Variants in SMG7 observed in about 807,000 individuals in gnomAD.
SMG7 encodes SMG7 nonsense mediated mRNA decay factor.
In SMG7, 34 loss-of-function variants were observed where a neutral mutation model predicts 148.2. The observed-to-expected ratio is 0.23, with a 90% CI of 0.17 to 0.31. SMG7 has a LOEUF of 0.31. Ranked by LOEUF, SMG7 falls within the 10% of genes least tolerant of loss-of-function variation. The pLI is 1.00. For synonymous variants in SMG7, 492 were observed against 515.1 expected, an observed-to-expected ratio of 0.96 and a Z score of 0.61; for missense variants, 1,114 against 1,408.4, an observed-to-expected ratio of 0.79 and a Z score of 3.35.
intron 1 of SMG7, among the ~76,000 whole-genome samples, chr1:183,490,243 A>G (rs1240830994): frequency 1.3e-5 from 2 of 152,214 alleles, no homozygotes; most frequent in African/African-American, 2.4e-5. Flanking sequence ...GCCAGTAGCT[A>G]TATATATTGT....
intron 2 of SMG7, among the ~76,000 whole-genome samples, chr1:183,515,250 TG>T (rs1663210088): frequency 6.6e-6 from 1 of 151,318 alleles, no homozygotes. Context: ...ATGACTAATG[TG>T]GATTGCTCAC....
At chr1:183,477,816 A>G (rs1025340013) in intron 1 of SMG7, among the ~76,000 whole-genome samples, 1 of 152,106 alleles carries the variant, frequency 6.6e-6, no homozygotes, top group African/African-American at 2.4e-5. Context: ...GTGTCTATGC[A>G]CATATGTGTG....
At chr1:183,489,497 C>A (rs910411127) in intron 1 of SMG7, among the ~76,000 whole-genome samples, 5 of 152,016 alleles carry the variant, frequency 3.3e-5, no homozygotes, top group Non-Finnish European at 7.4e-5. Flanking sequence ...GAGATTGATT[C>A]ATCGATGATA....
chr1:183,546,394 T>G lies in SMG7; in HGVS notation c.2742+57T>G, dbSNP rs927446779. 3.3e-6 allele frequency: 5 copies of G among 1,532,066 alleles called. 1 individual carries two copies. The Admixed American group carries it at 8.2e-5, about 25-fold the overall frequency. The allele number at this position is 1,532,066 out of a possible 1,614,324, so 94.9% of individuals were successfully genotyped here. On this transcript the variant is annotated intron_variant, in intron 17 of 22. Coordinates refer to ENST00000688051, the MANE Select transcript of SMG7 (RefSeq NM_001375584.1). Reference sequence around the variant, plus strand: ...GGAGATAGGTCTGAGGTTGACTGTCTTTTGAATATCTCAAATAGATCTTAT... The same window carrying G: ...GGAGATAGGTCTGAGGTTGACTGTCGTTTGAATATCTCAAATAGATCTTAT...
chr1:183,551,184 C>G lies in SMG7; in HGVS notation c.3444C>G (p.Ser1148Arg). 1 of 1,565,958 alleles carries G rather than the reference C, an allele frequency of 6.4e-7. No individual in the cohort carries two copies. Among genetic ancestry groups the G allele is most frequent in the Non-Finnish European group, 8.6e-7 (1 of 1,163,606 alleles). The change falls in exon 22 of 23, where the codon AGC (serine) becomes AGG (arginine). Residue 1148 changes from serine (S) to arginine (R), a missense_variant. By Grantham distance (110) the Ser-to-Arg change is moderately radical. Coordinates refer to ENST00000688051, the MANE Select transcript of SMG7 (RefSeq NM_001375584.1). ...MEDSSAVLME[S>R]LKSIWSSSMM... ...ATTCCTCTGCTGTCCTCATGGAAAGCCTAAAGGTGAGTAGATTTCAGGAAC... is the reference window on the plus strand; with the variant it reads ...ATTCCTCTGCTGTCCTCATGGAAAGGCTAAAGGTGAGTAGATTTCAGGAAC...
Position 183,550,780 on chromosome 1 carries a change from C to T in SMG7, c.3163C>T (p.His1055Tyr). The change falls in exon 21 of 23, where the codon CAT (histidine) becomes TAT (tyrosine). Residue 1055 changes from histidine (H) to tyrosine (Y), a missense_variant. By Grantham distance (83) the His-to-Tyr change is moderately conservative. Coordinates refer to ENST00000688051, the MANE Select transcript of SMG7 (RefSeq NM_001375584.1). The part of the protein sequence containing the change: ...DHSTPASQSP[H>Y]SSNPSSLPSS... ...TTCAACACCAGCCAGCCAGTCTCCT[C>T]ATTCCTCTAACCCAAGCAGCCTACC... The T allele has an allele frequency of 6.2e-7, 1 of 1,614,150 alleles. No individual in the cohort carries two copies. The highest frequency in any genetic ancestry group is 8.5e-7 in the Non-Finnish European group (1 of 1,179,994).
intron 1 of SMG7, among the ~76,000 whole-genome samples, chr1:183,502,716 C>G (rs185112402): frequency 6.6e-6 from 1 of 152,246 alleles, no homozygotes; most frequent in African/African-American, 2.4e-5. Flanking sequence ...ATTTATACCT[C>G]ATCCTTTAGA....
At chr1:183,477,615 CGT>C (rs1433921474) in intron 1 of SMG7, among the ~76,000 whole-genome samples, 3 of 53,160 alleles carry the variant, frequency 5.6e-5, no homozygotes, top group South Asian at 5.4e-4. Flanking sequence ...TGCATATATA[CGT>C]GTGTGCATAT....
chr1:183,535,288 A>G (rs1339910603), intron 10 of SMG7, among the ~76,000 whole-genome samples: 3 of 151,962 alleles, frequency 2.0e-5, no homozygotes, highest in Middle Eastern at 3.4e-3. Flanking sequence ...GTGTGTTCCC[A>G]TTTCTTCTCA....
chr1:183,518,783 T>G (rs1211015719), intron 4 of SMG7: 1 of 152,212 alleles, frequency 6.6e-6, no homozygotes, highest in Admixed American at 6.5e-5. Context: ...CATTTGTAAT[T>G]AACAAAATTT....
At chr1:183,550,153 T>C in intron 20 of SMG7, 1 of 443,984 alleles carries the variant, frequency 2.3e-6, no homozygotes, top group Non-Finnish European at 4.0e-6. Flanking sequence ...CCAGCAGAGA[T>C]GTAAGGGAGA....
chr1:183,527,035 A>G lies in SMG7; in HGVS notation c.484+268A>G, dbSNP rs368896423. Among the ~76,000 whole-genome samples, 10 of 152,360 alleles carry G rather than the reference A, an allele frequency of 6.6e-5. No homozygotes were observed. The East Asian group carries it at 1.5e-3, about 23-fold the overall frequency. ...TATAGGCAAATAATAAACAGCAAAA[A>G]CATAATCAAAGCTTAATTTTTCAAA... is the stretch of plus-strand genomic sequence containing the variant. On this transcript the variant is annotated intron_variant, in intron 5 of 22. Transcript: ENST00000688051. This position sits in a 1 kb window ranked among gnomAD's most constrained non-coding sequence, Gnocchi z 4.0.
At chr1:183,512,808 C>CTT (rs59379855) in intron 1 of SMG7, 29 bp from the exon 2 acceptor site, 47,959 of 1,263,196 alleles carry the variant, frequency 0.038, 271 homozygotes, top group South Asian at 0.061. Context: ...AACTGATACT[C>CTT]TTTTTTTTTT....
At chr1:183,537,249 G>A in intron 11 of SMG7, 34 bp downstream of exon 11, 4 of 1,457,300 alleles carry the variant, frequency 2.7e-6, no homozygotes, top group Non-Finnish European at 3.8e-6. Flanking sequence ...TTGTTGATGT[G>A]GTTCTCCATC....
chr1:183,496,667 A>G (rs1257047960), intron 1 of SMG7, among the ~76,000 whole-genome samples: 1 of 151,886 alleles, frequency 6.6e-6, no homozygotes, highest in Admixed American at 6.6e-5. Context: ...TTTACCTCCT[A>G]CTTCTCTGGC....
chr1:183,541,483 G>T (rs1468870258), intron 13 of SMG7, among the ~76,000 whole-genome samples: 2 of 152,228 alleles, frequency 1.3e-5, no homozygotes, highest in East Asian at 3.8e-4. Context: ...CCAAGATCGT[G>T]CTAGTAGCCA....
At position 183,552,024 on chromosome 1, in the gene SMG7, C is replaced by T; in HGVS notation, c.*93C>T. 7.0e-7 allele frequency: 1 copy of T among 1,420,970 alleles called. No homozygotes were observed. Among genetic ancestry groups the T allele is most frequent in the Non-Finnish European group, 9.3e-7 (1 of 1,073,452 alleles). The allele number at this position is 1,420,970 out of a possible 1,614,324, so 88.0% of individuals were successfully genotyped here. ...CACACAGTCCCCTGCAGGTGGCAGC[C>T]CTCTTTTCTGTTTCTCGCTGTCAAG... On this transcript the variant is annotated 3_prime_UTR_variant, in exon 23 of 23. Transcript: ENST00000688051.
chr1:183,537,186 C>T lies in SMG7; in HGVS notation c.1205C>T (p.Pro402Leu), dbSNP rs1192711543. 1 of 1,612,768 alleles carries T rather than the reference C, an allele frequency of 6.2e-7. No individual in the cohort carries two copies. Among genetic ancestry groups the T allele is most frequent in the African/African-American group, 1.3e-5 (1 of 74,966 alleles). ...ATTTCTCTTCTGAATAGTTTCCATCCCCATGAAGAGGACCTCTCAAGTATT... is the reference window on the plus strand; with the variant it reads ...ATTTCTCTTCTGAATAGTTTCCATCTCCATGAAGAGGACCTCTCAAGTATT... ...WLISLLNSFH[P>L]HEEDLSSISA... The change falls in exon 11 of 23, where the codon CCC (proline) becomes CTC (leucine). Residue 402 changes from proline (P) to leucine (L), a missense_variant. Pro to Leu is a moderately conservative substitution (Grantham distance 98). Transcript: ENST00000688051.
chr1:183,504,286 T>C (rs994663945), intron 1 of SMG7, among the ~76,000 whole-genome samples: 1 of 152,314 alleles, frequency 6.6e-6, no homozygotes, highest in East Asian at 1.9e-4. Context: ...TTTTGAATTA[T>C]CAGTTTGGTC....
Sources: gnomAD v4.1 joint callset for allele counts (sites outside exome capture counted in the v4.1 genomes callset) on GRCh38, gnomAD v4.1.1 for gene constraint, Gnocchi (gnomAD v3.1) non-coding constraint, MANE v1.5 for transcripts, NCBI Gene and HGNC (gene_info 2026-07-23, HGNC 2026-07-21) for gene names.